Variants in PTTG1IP2 observed in about 807,000 individuals in gnomAD.
PTTG1IP2 encodes PTTG1IP family member 2.
At chr7:90,490,219 G>A (rs141544735) in intron 4 of PTTG1IP2, among the ~76,000 whole-genome samples, 1 of 152,068 alleles carries the variant, frequency 6.6e-6, no homozygotes, top group East Asian at 1.9e-4. Flanking sequence ...GGTTTGGAGA[G>A]TATTTGCATA....
intron 6 of PTTG1IP2, among the ~76,000 whole-genome samples, chr7:90,508,636 A>G (rs1252246953): frequency 6.6e-6 from 1 of 152,242 alleles, no homozygotes; most frequent in Non-Finnish European, 1.5e-5. Flanking sequence ...TTGGGCATTT[A>G]TAATATTCTG....
intron 2 of PTTG1IP2, among the ~76,000 whole-genome samples, chr7:90,480,081 C>G (rs1259756741): frequency 6.6e-6 from 1 of 152,158 alleles, no homozygotes; most frequent in Non-Finnish European, 1.5e-5. Context: ...AGCGATGACC[C>G]AGACATACTC....
intron 6 of PTTG1IP2, among the ~76,000 whole-genome samples, chr7:90,495,087 T>G (rs1797979313): frequency 6.6e-6 from 1 of 152,186 alleles, no homozygotes; most frequent in African/African-American, 2.4e-5. Flanking sequence ...CAGGCTGCCT[T>G]TGTTGAAATC....
intron 6 of PTTG1IP2, among the ~76,000 whole-genome samples, chr7:90,504,028 G>A (rs533379761): frequency 6.6e-6 from 1 of 152,178 alleles, no homozygotes; most frequent in Non-Finnish European, 1.5e-5. Context: ...TAGAAAAAAA[G>A]CACATCTGCT....
At chr7:90,474,525 G>A (rs996103650) in intron 1 of PTTG1IP2, among the ~76,000 whole-genome samples, 2 of 152,218 alleles carry the variant, frequency 1.3e-5, no homozygotes, top group African/African-American at 2.4e-5. Flanking sequence ...TGAATACAAA[G>A]AGCAGGAGGG....
intron 2 of PTTG1IP2, among the ~76,000 whole-genome samples, chr7:90,481,305 G>A (rs1240844665): frequency 6.6e-6 from 1 of 152,048 alleles, no homozygotes; most frequent in Non-Finnish European, 1.5e-5. Context: ...AACGGCACTG[G>A]ACCCACATTC....
intron 6 of PTTG1IP2, among the ~76,000 whole-genome samples, chr7:90,503,550 A>G (rs1459960376): frequency 6.6e-6 from 1 of 152,196 alleles, no homozygotes; most frequent in African/African-American, 2.4e-5. Context: ...TCTTCCTTTC[A>G]CTTGAACACT....
chr7:90,511,954 A>G (rs1266815627), intron 6 of PTTG1IP2, among the ~76,000 whole-genome samples: 1 of 152,242 alleles, frequency 6.6e-6, no homozygotes, highest in Non-Finnish European at 1.5e-5. Flanking sequence ...ACTTCTCTAT[A>G]TGATACTTTG....
intron 1 of PTTG1IP2, among the ~76,000 whole-genome samples, chr7:90,473,710 A>C (rs1298736052): frequency 6.6e-6 from 1 of 152,148 alleles, no homozygotes; most frequent in East Asian, 1.9e-4. Flanking sequence ...CTGAGTGAAT[A>C]GTTGCTCCTG....
chr7:90,481,823 A>G (rs1313902470), intron 2 of PTTG1IP2, among the ~76,000 whole-genome samples: 1 of 152,100 alleles, frequency 6.6e-6, no homozygotes, highest in East Asian at 1.9e-4. Flanking sequence ...TGTATCTCTA[A>G]CACCTCACAC....
Position 90,489,272 on chromosome 7 carries a change from A to G in PTTG1IP2, c.380+308A>G, listed in dbSNP as rs573827580. Among the ~76,000 whole-genome samples, 26 of 151,662 alleles carry G rather than the reference A, an allele frequency of 1.7e-4. No individual in the cohort carries two copies. The South Asian group carries it at 5.4e-3, about 31-fold the overall frequency. Reference sequence around the variant, plus strand: ...ATTTTGATGGTTATGTTTTCTTTTCATGATTAATTTTAGATGTTATCTATT... The same window carrying G: ...ATTTTGATGGTTATGTTTTCTTTTCGTGATTAATTTTAGATGTTATCTATT... On this transcript the variant is annotated intron_variant, in intron 4 of 6. Transcript: ENST00000509356.
chr7:90,506,932 T>A (rs1053513491), intron 6 of PTTG1IP2, among the ~76,000 whole-genome samples: 1 of 152,222 alleles, frequency 6.6e-6, no homozygotes, highest in African/African-American at 2.4e-5. Flanking sequence ...TTTTTACTGA[T>A]CTTCTAGAGG....
intron 6 of PTTG1IP2, among the ~76,000 whole-genome samples, chr7:90,498,983 C>G (rs753237953): frequency 6.6e-6 from 1 of 152,124 alleles, no homozygotes; most frequent in Non-Finnish European, 1.5e-5. Context: ...TCTCAAGTAT[C>G]CAAGCCTACA....
intron 6 of PTTG1IP2, among the ~76,000 whole-genome samples, chr7:90,497,731 AAAAAAAAAAAAAAG>A (rs1390143381): frequency 2.1e-3 from 303 of 147,366 alleles, no homozygotes; most frequent in African/African-American, 6.7e-3. Flanking sequence ...AAAAAAAAAA[AAAAAAAAAAAAAAG>A]AAGAAGAAGA....
At chr7:90,489,702 T>G (rs1486806291) in intron 4 of PTTG1IP2, among the ~76,000 whole-genome samples, 1 of 151,960 alleles carries the variant, frequency 6.6e-6, no homozygotes, top group African/African-American at 2.4e-5. Flanking sequence ...GGATAACATA[T>G]TTATACATGA....
At chr7:90,505,311 T>C (rs779546809) in intron 6 of PTTG1IP2, among the ~76,000 whole-genome samples, 6 of 152,242 alleles carry the variant, frequency 3.9e-5, no homozygotes, top group Non-Finnish European at 8.8e-5. Flanking sequence ...AGAAAGCTAT[T>C]GTTGGACTGC....
At chr7:90,490,250 T>C (rs1050486986) in intron 4 of PTTG1IP2, among the ~76,000 whole-genome samples, 3 of 152,010 alleles carry the variant, frequency 2.0e-5, no homozygotes, top group Non-Finnish European at 4.4e-5. Context: ...TATCAACAAA[T>C]TAGTTTTTTC....
chr7:90,489,005 A>T (rs1797909029), intron 4 of PTTG1IP2, 41 bp downstream of exon 4: 1 of 151,904 alleles, frequency 6.6e-6, no homozygotes, highest in Non-Finnish European at 1.5e-5. Context: ...ACTTTGGGGT[A>T]ATATCATTGA....
In PTTG1IP2 at chr7:90,502,239, T is replaced by C. The variant is rs569550574; in HGVS notation, c.*50+7809T>C. 8.5e-5 allele frequency among the ~76,000 whole-genome samples: 13 copies of C among 152,312 alleles called. No individual in the cohort carries two copies. In the East Asian group the frequency reaches 2.3e-3, roughly 27 times the overall value. ...CCCCAAGTGATTCTCCCACCTCAAA[T>C]GATCCTCAAGTGATCCTCCCACCAC... On this transcript the variant is annotated intron_variant, in intron 6 of 6. Coordinates refer to ENST00000509356, the MANE Select transcript of PTTG1IP2 (RefSeq NM_001365443.2).
Sources: allele counts gnomAD v4.1 joint callset (sites outside exome capture counted in the v4.1 genomes callset), GRCh38; gene constraint gnomAD v4.1.1; transcripts MANE v1.5; gene names NCBI Gene and HGNC (gene_info 2026-07-23, HGNC 2026-07-21).